Variants in MB21D2 observed in about 807,000 individuals in gnomAD.
MB21D2 encodes the protein nucleotidyltransferase MB21D2.
In MB21D2, 9 loss-of-function variants were observed where a neutral mutation model predicts 33.3. That is an observed-to-expected ratio of 0.27 (90% CI 0.16 to 0.47). The LOEUF is 0.47. Ranked by LOEUF, MB21D2 falls within the 20% of genes least tolerant of loss-of-function variation. The pLI is 0.99. For synonymous variants in MB21D2, 241 were observed against 236.3 expected, an observed-to-expected ratio of 1.02 and a Z score of -0.18; for missense variants, 540 against 624.6, an observed-to-expected ratio of 0.86 and a Z score of 1.44.
chr3:192,831,657 G>C (rs1222332485), intron 1 of MB21D2, among the ~76,000 whole-genome samples: 1 of 152,114 alleles, frequency 6.6e-6, no homozygotes, highest in African/African-American at 2.4e-5. Context: ...CACTAGAATA[G>C]TGAAAAATAT....
chr3:192,879,317 T>G (rs1713509412), intron 1 of MB21D2, among the ~76,000 whole-genome samples: 1 of 152,218 alleles, frequency 6.6e-6, no homozygotes, highest in Admixed American at 6.5e-5. Context: ...GCACCAGAGC[T>G]GGGCAGCACA....
chr3:192,843,207 G>C (rs1712610591), intron 1 of MB21D2, among the ~76,000 whole-genome samples: 1 of 152,176 alleles, frequency 6.6e-6, no homozygotes, highest in African/African-American at 2.4e-5. Flanking sequence ...GACAGGGAGA[G>C]GCTCAATCAC....
At chr3:192,841,334 C>T (rs569724850) in intron 1 of MB21D2, among the ~76,000 whole-genome samples, 1 of 152,368 alleles carries the variant, frequency 6.6e-6, no homozygotes, top group South Asian at 2.1e-4. Context: ...TAAGTAGTCA[C>T]CTCTCACCTT....
intron 1 of MB21D2, among the ~76,000 whole-genome samples, chr3:192,850,978 GCTA>G (rs1712790502): frequency 6.6e-6 from 1 of 152,156 alleles, no homozygotes; most frequent in Non-Finnish European, 1.5e-5. Context: ...AGCTTGCTCT[GCTA>G]CTTATTGTTA....
At chr3:192,907,663 A>AAT (rs1714242207) in intron 1 of MB21D2, among the ~76,000 whole-genome samples, 1 of 152,214 alleles carries the variant, frequency 6.6e-6, no homozygotes, top group East Asian at 1.9e-4. Context: ...ACCAAATGTG[A>AAT]ATATTTATTG....
intron 1 of MB21D2, among the ~76,000 whole-genome samples, chr3:192,819,930 C>T (rs1272394554): frequency 1.3e-5 from 2 of 152,190 alleles, no homozygotes. Context: ...AAGCTCTGAA[C>T]CTGAAGCAGG....
At chr3:192,893,647 C>A (rs979346004) in intron 1 of MB21D2, among the ~76,000 whole-genome samples, 2 of 152,160 alleles carry the variant, frequency 1.3e-5, no homozygotes, top group Admixed American at 1.3e-4. Flanking sequence ...GGCTTCACTG[C>A]CCATTTCTCA....
chr3:192,837,825 T>A (rs991200079), intron 1 of MB21D2, among the ~76,000 whole-genome samples: 2 of 152,232 alleles, frequency 1.3e-5, no homozygotes, highest in Admixed American at 1.3e-4. Context: ...AGAAAACAAC[T>A]GAGAAGTAGC....
chr3:192,828,359 C>T (rs1712222989), intron 1 of MB21D2, among the ~76,000 whole-genome samples: 1 of 151,242 alleles, frequency 6.6e-6, no homozygotes, highest in South Asian at 2.1e-4. Context: ...GCACTTGAGT[C>T]CTACCTGGAG....
chr3:192,867,458 G>C (rs1433068769), intron 1 of MB21D2, among the ~76,000 whole-genome samples: 1 of 152,178 alleles, frequency 6.6e-6, no homozygotes, highest in Non-Finnish European at 1.5e-5. Flanking sequence ...CAGTGACACA[G>C]AGCAAAAGGA....
chr3:192,882,746 T>G (rs1713631257), intron 1 of MB21D2, among the ~76,000 whole-genome samples: 1 of 151,190 alleles, frequency 6.6e-6, no homozygotes, highest in South Asian at 2.1e-4. Context: ...TCCTTTTTTT[T>G]TCTTTGAGAC....
Position 192,798,265 on chromosome 3 carries a change from A to C in MB21D2, c.*121T>G. The C allele has an allele frequency of 1.8e-6, 2 of 1,139,398 alleles. No individual in the cohort carries two copies. The highest frequency in any genetic ancestry group is 2.5e-6 in the Non-Finnish European group (2 of 809,602). The allele number at this position is 1,139,398 out of a possible 1,614,324, so 70.6% of individuals were successfully genotyped here. A position where few individuals can be genotyped will look rare whatever the true frequency, so the allele number is the denominator to read the frequency against. On this transcript the variant is annotated 3_prime_UTR_variant, in exon 2 of 2. Transcript: ENST00000392452. This position sits in a 1 kb window ranked among gnomAD's most constrained non-coding sequence, Gnocchi z 4.8. ...CCATCCTGCAGAACCAGGAAACTTA[A>C]AATTTGTTCTTAACAAATCCAATCT...
At chr3:192,917,063 G>A (rs1219393685) in intron 1 of MB21D2, among the ~76,000 whole-genome samples, 2 of 152,246 alleles carry the variant, frequency 1.3e-5, no homozygotes, top group Non-Finnish European at 2.9e-5. Context: ...GACTACTTCA[G>A]CGGGTTACTC....
At chr3:192,816,068 G>A (rs1263385202) in intron 1 of MB21D2, among the ~76,000 whole-genome samples, 1 of 152,144 alleles carries the variant, frequency 6.6e-6, no homozygotes, top group African/African-American at 2.4e-5. Flanking sequence ...GAATAGAGGT[G>A]TACAATTTCC....
rs970766246 is a variant in MB21D2 at position 192,799,428 on chromosome 3, T to A, written c.434A>T (p.His145Leu). 6.2e-7 allele frequency: 1 copy of A among 1,614,034 alleles called. No homozygotes were observed. Among genetic ancestry groups the A allele is most frequent in the Non-Finnish European group, 8.5e-7 (1 of 1,180,006 alleles). The change falls in exon 2 of 2, where the codon CAC (histidine) becomes CTC (leucine). Residue 145 changes from histidine to leucine, a missense_variant. Coordinates refer to ENST00000392452, the MANE Select transcript of MB21D2 (RefSeq NM_178496.4). The surrounding 1 kb of genome is among the most constrained non-coding windows in gnomAD (Gnocchi z 4.1). The part of the protein sequence containing the change: ...TLDMRHSALC[H>L]SWLSLRLFDE... ...AAAGAGCCGAAGGCTCAGCCAAGAG[T>A]GGCACAAGGCTGAGTGGCGCATGTC...
rs1711973219 is a variant in MB21D2 at position 192,818,409 on chromosome 3, C to T, written c.212-18759G>A. 4.6e-5 allele frequency among the ~76,000 whole-genome samples: 7 copies of T among 151,376 alleles called. No homozygotes were observed. The South Asian group carries it at 1.2e-3, about 27-fold the overall frequency. On this transcript the variant is annotated intron_variant, in intron 1 of 1. Transcript: ENST00000392452. ...TTTCACATGCAATTTTCCTAGAATGCTAATATTTTGTACAATCAAGAACTA... is the reference window on the plus strand; with the variant it reads ...TTTCACATGCAATTTTCCTAGAATGTTAATATTTTGTACAATCAAGAACTA...
chr3:192,799,713 A>G lies in MB21D2; in HGVS notation c.212-63T>C, dbSNP rs1329119188. Reference sequence around the variant, plus strand: ...AAACACAGACATAAGAGTCTTATGCATGAAACAGAATGCTCTGATGTTCCA... The same window carrying G: ...AAACACAGACATAAGAGTCTTATGCGTGAAACAGAATGCTCTGATGTTCCA... On this transcript the variant is annotated intron_variant, in intron 1 of 1. Transcript: ENST00000392452. The surrounding 1 kb of genome is among the most constrained non-coding windows in gnomAD (Gnocchi z 4.1). 6.1e-6 allele frequency: 9 copies of G among 1,480,892 alleles called. No homozygotes were observed. In the African/African-American group the frequency reaches 1.1e-4, roughly 19 times the overall value. The allele number at this position is 1,480,892 out of a possible 1,614,324, so 91.7% of individuals were successfully genotyped here.
chr3:192,800,320 TCTC>T (rs1487443932), intron 1 of MB21D2, among the ~76,000 whole-genome samples: 2 of 152,080 alleles, frequency 1.3e-5, no homozygotes, highest in Admixed American at 1.3e-4. Context: ...CTCAAGCAAT[TCTC>T]CTACCTCGGC....
chr3:192,848,337 G>C lies in MB21D2; in HGVS notation c.212-48687C>G, dbSNP rs558481591. Among the ~76,000 whole-genome samples, 283 of 152,258 alleles carry C rather than the reference G, an allele frequency of 1.9e-3. 1 individual carries two copies. Among genetic ancestry groups the C allele is most frequent in the South Asian group, 0.016 (75 of 4,820 alleles). On this transcript the variant is annotated intron_variant, in intron 1 of 1. Transcript: ENST00000392452. ...TATCCCACAAATCTCTAATGGGGAGGGAAGAAAGGAGTACAACAAATATAA... is the reference window on the plus strand; with the variant it reads ...TATCCCACAAATCTCTAATGGGGAGCGAAGAAAGGAGTACAACAAATATAA...
Sources: gnomAD v4.1 joint callset for allele counts (sites outside exome capture counted in the v4.1 genomes callset) on GRCh38, gnomAD v4.1.1 for gene constraint, Gnocchi (gnomAD v3.1) non-coding constraint, MANE v1.5 for transcripts, NCBI Gene and HGNC (gene_info 2026-07-23, HGNC 2026-07-21) for gene names.